Variants in MYLK observed in about 807,000 individuals in gnomAD.
The protein encoded by MYLK is myosin light chain kinase, also known as myosin light chain kinase, smooth muscle.
A neutral mutation model predicts 203.4 loss-of-function variants in MYLK; 106 were observed. That is an observed-to-expected ratio of 0.52 (90% CI 0.45 to 0.61). The LOEUF is 0.61. Ranked by LOEUF, MYLK falls within the 20% of genes least tolerant of loss-of-function variation. The pLI, the probability that MYLK is intolerant of heterozygous loss-of-function variation, is 0.00. For synonymous variants in MYLK, 867 were observed against 959.5 expected, an observed-to-expected ratio of 0.90 and a Z score of 1.78; for missense variants, 2,072 against 2,442.3, an observed-to-expected ratio of 0.85 and a Z score of 3.20.
intron 2 of MYLK, among the ~76,000 whole-genome samples, chr3:123,835,411 T>A (rs1189588014): frequency 6.6e-6 from 1 of 152,148 alleles, no homozygotes; most frequent in East Asian, 1.9e-4. Flanking sequence ...AATATGTCTG[T>A]GGCAGGCAAC....
chr3:123,806,923 C>T (rs891355807), intron 3 of MYLK, among the ~76,000 whole-genome samples: 3 of 151,900 alleles, frequency 2.0e-5, no homozygotes, highest in African/African-American at 7.3e-5. Context: ...CCTCGGCCTC[C>T]CAAAGTGCTG....
intron 4 of MYLK, among the ~76,000 whole-genome samples, chr3:123,768,842 G>A (rs1037790605): frequency 6.6e-6 from 1 of 152,186 alleles, no homozygotes; most frequent in African/African-American, 2.4e-5. Flanking sequence ...TTAGAAATAT[G>A]CACTGCTGGC....
intron 3 of MYLK, among the ~76,000 whole-genome samples, chr3:123,802,391 C>G (rs945311567): frequency 2.0e-5 from 3 of 152,230 alleles, no homozygotes; most frequent in Admixed American, 2.0e-4. Context: ...GCTTCCTGGG[C>G]CTTTCCTCTT....
At chr3:123,882,946 T>C (rs1161277750) in intron 1 of MYLK, among the ~76,000 whole-genome samples, 1 of 152,106 alleles carries the variant, frequency 6.6e-6, no homozygotes, top group African/African-American at 2.4e-5. Context: ...AAGAAAACAG[T>C]TCTATTAGAA....
At chr3:123,690,003 A>G (rs981804181) in intron 19 of MYLK, among the ~76,000 whole-genome samples, 12 of 152,058 alleles carry the variant, frequency 7.9e-5, no homozygotes, top group African/African-American at 2.7e-4. Context: ...AGATTTTGAA[A>G]GATATGTTGG....
chr3:123,662,520 GA>G (rs1468567477), intron 23 of MYLK, among the ~76,000 whole-genome samples: 5 of 152,094 alleles, frequency 3.3e-5, no homozygotes, highest in African/African-American at 1.2e-4. Context: ...TAGAGTCGAG[GA>G]ATCAGAATGT....
At chr3:123,763,386 A>G (rs898714236) in intron 4 of MYLK, among the ~76,000 whole-genome samples, 1 of 152,142 alleles carries the variant, frequency 6.6e-6, no homozygotes, top group Non-Finnish European at 1.5e-5. Context: ...TTCCCTCACC[A>G]TCCTCTTGGA....
chr3:123,618,626 A>G lies in MYLK; in HGVS notation c.5500+13T>C, dbSNP rs1373665966. 1 of 1,613,864 alleles carries G rather than the reference A, an allele frequency of 6.2e-7. No homozygotes were observed. The highest frequency in any genetic ancestry group is 1.1e-5 in the South Asian group (1 of 91,080). On this transcript the variant is annotated intron_variant, in intron 33 of 33. Transcript: ENST00000360304. ...CCCTATTCATGGTGAAGAGAAGCAC[A>G]GCTACAACTTACCTTCAATCTTGCA...
chr3:123,705,680 C>G (rs570154483), intron 16 of MYLK, among the ~76,000 whole-genome samples: 4 of 152,172 alleles, frequency 2.6e-5, no homozygotes, highest in Non-Finnish European at 4.4e-5. Context: ...TCCTGGTGCA[C>G]GCCTCCTCTC....
chr3:123,824,217 G>A (rs1271240063), intron 3 of MYLK, among the ~76,000 whole-genome samples: 1 of 151,918 alleles, frequency 6.6e-6, no homozygotes, highest in East Asian at 1.9e-4. Context: ...AGCCTCCTGA[G>A]TAGCTGGGAT....
In MYLK at chr3:123,858,190, T is replaced by C. The variant is rs146795166; in HGVS notation, c.-127+18369A>G. ...GTGCCCAGATCCTGTGGTATTGTCC[T>C]TGGACCTGAAGATGGTTTCATAGAC... On this transcript the variant is annotated intron_variant, in intron 2 of 33. Transcript: ENST00000360304. Among the ~76,000 whole-genome samples, 535 of 152,296 alleles carry C rather than the reference T, an allele frequency of 3.5e-3. 1 individual carries two copies. Among genetic ancestry groups the C allele is most frequent in the African/African-American group, 0.012 (501 of 41,572 alleles).
At chr3:123,776,565 T>C (rs968976939) in intron 4 of MYLK, among the ~76,000 whole-genome samples, 3 of 152,202 alleles carry the variant, frequency 2.0e-5, no homozygotes, top group African/African-American at 7.2e-5. Context: ...CAGTAAATGG[T>C]AGCATATCAG....
At chr3:123,653,044 G>C (rs2059268321) in intron 24 of MYLK, among the ~76,000 whole-genome samples, 1 of 152,162 alleles carries the variant, frequency 6.6e-6, no homozygotes, top group Non-Finnish European at 1.5e-5. Flanking sequence ...TGCAAATGAG[G>C]CATGAGAATG....
At position 123,709,827 on chromosome 3, in the gene MYLK, A is replaced by G; in HGVS notation, c.1871T>C (p.Ile624Thr). Residue 624 changes from isoleucine to threonine, a missense_variant, in exon 14 of 34, where the codon ATC (isoleucine) becomes ACC (threonine). Around this residue, in one of 3 missense-constraint regions of MYLK, gnomAD observed 865 missense variants for 1,016.0 expected, o/e 0.85. Coordinates refer to ENST00000360304, the MANE Select transcript of MYLK (RefSeq NM_053025.4). ...PVAPSKPTAP[I>T]FLQGLSDLKV... ...GAGATCAGAGAGGCCCTGCAGGAAG[A>G]TGGGTGCAGTGGGCTTGCTGGGAGC... The G allele has an allele frequency of 6.2e-7, 1 of 1,614,190 alleles. No homozygotes were observed. The highest frequency in any genetic ancestry group is 8.5e-7 in the Non-Finnish European group (1 of 1,180,036).
intron 4 of MYLK, among the ~76,000 whole-genome samples, chr3:123,772,836 GAT>G (rs1261124103): frequency 1.3e-5 from 2 of 151,964 alleles, no homozygotes; most frequent in Non-Finnish European, 2.9e-5. Flanking sequence ...TAGGTAAAGT[GAT>G]AACTAGTGCT....
chr3:123,704,119 C>A (rs1459190404), intron 16 of MYLK, among the ~76,000 whole-genome samples: 1 of 152,208 alleles, frequency 6.6e-6, no homozygotes, highest in Admixed American at 6.5e-5. Context: ...TACCCTGTGG[C>A]CCCCAGCAGT....
chr3:123,774,401 C>T (rs2063990929), intron 4 of MYLK, among the ~76,000 whole-genome samples: 1 of 152,010 alleles, frequency 6.6e-6, no homozygotes. Context: ...CGTTCATTCT[C>T]GGGAAGTACA....
In MYLK at chr3:123,755,694, C is replaced by T. The variant is rs576656153; in HGVS notation, c.166-3156G>A. 3.3e-5 allele frequency among the ~76,000 whole-genome samples: 5 copies of T among 152,252 alleles called. No homozygotes were observed. The East Asian group carries it at 7.8e-4, about 24-fold the overall frequency. The stretch of plus-strand genomic sequence containing the variant: ...ACATCCTTGGGATGCATGACAACAG[C>T]CCTGCCCTCCCAGGTTGCCTTATCT... On this transcript the variant is annotated intron_variant, in intron 4 of 33. Coordinates refer to ENST00000360304, the MANE Select transcript of MYLK (RefSeq NM_053025.4).
At chr3:123,644,804 T>G (rs2058957158) in intron 27 of MYLK, among the ~76,000 whole-genome samples, 1 of 152,212 alleles carries the variant, frequency 6.6e-6, no homozygotes, top group Non-Finnish European at 1.5e-5. Flanking sequence ...CATTTGAATT[T>G]GGGGCTGAAT....
Sources: gnomAD v4.1 joint callset for allele counts (sites outside exome capture counted in the v4.1 genomes callset) on GRCh38, gnomAD v4.1.1 for gene constraint, gnomAD v4.1.1 regional missense constraint, MANE v1.5 for transcripts, NCBI Gene and HGNC (gene_info 2026-07-23, HGNC 2026-07-21) for gene names.